ZNF563: variants seen among roughly 807,000 people sequenced by gnomAD.
ZNF563 encodes zinc finger protein 563.
In ZNF563, 39 loss-of-function variants were observed where a neutral mutation model predicts 48.5. The ratio of observed to expected loss-of-function variants is 0.80; its 90% CI spans 0.62 to 1.05. The LOEUF (loss-of-function observed/expected upper bound fraction) is 1.05, where lower values mean the gene tolerates loss of function less well. Among genes scored for constraint, ZNF563 ranks in the 50% least tolerant of loss-of-function variants. The probability of loss-of-function intolerance (pLI) is 0.00; values close to 1 mark genes in which losing one functional copy is unlikely to be tolerated. For missense variants in ZNF563, 538 were observed against 597.0 expected, an observed-to-expected ratio of 0.90 and a Z score of 1.03; for synonymous variants, 168 against 187.9, an observed-to-expected ratio of 0.89 and a Z score of 0.87.
the ZNF563 span, among the ~76,000 whole-genome samples, chr19:12,341,249 G>C: frequency 1.3e-5 from 2 of 151,982 alleles, no homozygotes; most frequent in African/African-American, 4.8e-5. Flanking sequence ...CTGCGGTTTT[G>C]CCATGTTGCC....
chr19:12,332,915 G>A (rs1464906482), intron 1 of ZNF563, among the ~76,000 whole-genome samples: 1 of 152,200 alleles, frequency 6.6e-6, no homozygotes, highest in Non-Finnish European at 1.5e-5. Context: ...TACCGGCCCA[G>A]ATAGCAGTCG....
chr19:12,322,738 G>A (rs760159988), intron 1 of ZNF563, 27 bp from the exon 2 acceptor site: 2 of 1,564,066 alleles, frequency 1.3e-6, no homozygotes, highest in African/African-American at 2.8e-5. Context: ...AGATAGAGGA[G>A]AAAGGTTGAG....
intron 1 of ZNF563, among the ~76,000 whole-genome samples, chr19:12,332,099 G>A (rs1427085623): frequency 6.6e-6 from 1 of 152,048 alleles, no homozygotes; most frequent in Non-Finnish European, 1.5e-5. Context: ...ACAGCCTGGG[G>A]GACAAAGAGT....
intron 1 of ZNF563, among the ~76,000 whole-genome samples, chr19:12,330,077 A>T (rs8109236): frequency 0.21 from 31,552 of 151,848 alleles, 3,607 homozygotes; most frequent in African/African-American, 0.3. Context: ...CCTGTCACTA[A>T]GCCCAGCCAA....
chr19:12,341,288 A>G, the ZNF563 span, among the ~76,000 whole-genome samples: 1 of 152,034 alleles, frequency 6.6e-6, no homozygotes, highest in African/African-American at 2.4e-5. Context: ...CTGACCTCAA[A>G]TGATCCGCCT....
intron 1 of ZNF563, among the ~76,000 whole-genome samples, chr19:12,326,385 T>C (rs902399540): frequency 1.3e-5 from 2 of 152,220 alleles, no homozygotes; most frequent in Admixed American, 1.3e-4. Flanking sequence ...AGCTCACGCC[T>C]GTAATCCCAG....
the ZNF563 span, among the ~76,000 whole-genome samples, chr19:12,343,891 C>T: frequency 2.8e-4 from 42 of 151,722 alleles, no homozygotes; most frequent in Middle Eastern, 3.4e-3. Context: ...CCACCACGCC[C>T]GGCTAATTTT....
chr19:12,328,881 A>T (rs910348662), intron 1 of ZNF563, among the ~76,000 whole-genome samples: 1 of 152,176 alleles, frequency 6.6e-6, no homozygotes, highest in East Asian at 1.9e-4. Flanking sequence ...AAAAGTGGAG[A>T]TTTAAGCCAC....
chr19:12,321,571 AGTAGCTGGGACTACAGATGC>A (rs1968627238), intron 2 of ZNF563, among the ~76,000 whole-genome samples: 2 of 152,110 alleles, frequency 1.3e-5, no homozygotes, highest in African/African-American at 4.8e-5. Flanking sequence ...CAGCCTTCCG[AGTAGCTGGGACTACAGATGC>A]GTGCCACCAC....
rs774682249 is a variant in ZNF563, at chr19:12,318,702, T to C, written c.1323A>G (p.Val441=). The part of the protein sequence containing the change: ...SHSSSFRRHM[V]MHTGDGPNKC... ...TATTCGGCCCATCTCCCGTATGCAT[T>C]ACCATATGTCTTCGAAAGCTTGAGC... The change falls in exon 4 of 4, where the codon GTA becomes GTG. Residue 441 remains valine, a synonymous_variant. Transcript: ENST00000293725. 1.2e-6 allele frequency: 2 copies of C among 1,614,092 alleles called. No individual in the cohort carries two copies. Among genetic ancestry groups the C allele is most frequent in the Non-Finnish European group, 1.7e-6 (2 of 1,180,036 alleles).
upstream of ZNF563, among the ~76,000 whole-genome samples, chr19:12,335,902 G>A (rs761238884): frequency 6.6e-6 from 1 of 152,162 alleles, no homozygotes; most frequent in African/African-American, 2.4e-5. Flanking sequence ...GGATATACGC[G>A]TTAAATAAAA....
At chr19:12,335,534 CT>C (rs932445872), upstream of ZNF563, among the ~76,000 whole-genome samples, 1 of 152,174 alleles carries the variant, frequency 6.6e-6, no homozygotes, top group African/African-American at 2.4e-5. Context: ...AGCTAATGAG[CT>C]TAAAAATATA....
chr19:12,326,473 G>A (rs566283824), intron 1 of ZNF563, among the ~76,000 whole-genome samples: 81 of 151,942 alleles, frequency 5.3e-4, no homozygotes, highest in Middle Eastern at 3.2e-3. Flanking sequence ...GTGAAATCTC[G>A]TCTCTAATAA....
intron 1 of ZNF563, among the ~76,000 whole-genome samples, chr19:12,325,596 A>C (rs12610507): frequency 0.21 from 32,525 of 152,086 alleles, 3,789 homozygotes; most frequent in African/African-American, 0.3. Context: ...TGAGAGAGCC[A>C]CATGCACTCA....
intron 2 of ZNF563, among the ~76,000 whole-genome samples, chr19:12,321,664 C>A (rs182973203): frequency 6.6e-6 from 1 of 152,280 alleles, no homozygotes; most frequent in Admixed American, 6.5e-5. Context: ...AGGCTGGTCT[C>A]AAACTCCTGA....
rs1036159133 is a variant in ZNF563, at chr19:12,317,529, G to A, written c.*1065C>T. On this transcript the variant is annotated 3_prime_UTR_variant, in exon 4 of 4. Transcript: ENST00000293725. ...GAGGTTGTTTTGCTCTTGCTGCCCA[G>A]GCTGGAGTGCAGTGGCGCGATCTTG... is the stretch of plus-strand genomic sequence containing the variant. 5.7e-5 allele frequency: 8 copies of A among 140,840 alleles called. No homozygotes were observed. The highest frequency in any genetic ancestry group is 9.1e-5 in the Non-Finnish European group (6 of 66,284). The allele number at this position is 140,840 out of a possible 1,614,324, so 8.7% of individuals were successfully genotyped here.
rs1968555304 is a variant in ZNF563, at chr19:12,319,677, T to C, written c.348A>G (p.Leu116=). 1 of 1,614,060 alleles carries C rather than the reference T, an allele frequency of 6.2e-7. No individual in the cohort carries two copies. The highest frequency in any genetic ancestry group is 1.1e-5 in the South Asian group (1 of 91,086). ...AECEEVIMGH[L]SLNSHIRVDS... Reference sequence around the variant, plus strand: ...CAACTCTGATGTGGCTATTAAGGGATAAATGACCCATTATGACTTCTTCAC... The same window carrying C: ...CAACTCTGATGTGGCTATTAAGGGACAAATGACCCATTATGACTTCTTCAC... The change falls in exon 4 of 4, where the codon TTA becomes TTG. Residue 116 remains leucine, a synonymous_variant. Transcript: ENST00000293725.
the ZNF563 span, among the ~76,000 whole-genome samples, chr19:12,340,640 G>A: frequency 6.6e-6 from 1 of 152,078 alleles, no homozygotes; most frequent in Admixed American, 6.6e-5. Context: ...AGCCAGGCGT[G>A]GTGGCGCAAG....
upstream of ZNF563, among the ~76,000 whole-genome samples, chr19:12,336,364 G>T (rs111737193): frequency 2.6e-5 from 4 of 151,916 alleles, no homozygotes; most frequent in African/African-American, 9.7e-5. Flanking sequence ...AGGCTGAGGC[G>T]GGCAGATCAC....
Sources: allele counts gnomAD v4.1 joint callset (sites outside exome capture counted in the v4.1 genomes callset), GRCh38; gene constraint gnomAD v4.1.1; transcripts MANE v1.5; gene names NCBI Gene and HGNC (gene_info 2026-07-23, HGNC 2026-07-21).